The following DGKQ variants were observed in gnomAD, a reference collection of about 807,000 sequenced individuals.
DGKQ encodes the protein DAG kinase theta.
Under a neutral mutation model 104.2 loss-of-function variants are expected in DGKQ, and 97 were observed. The ratio of observed to expected loss-of-function variants is 0.93; its 90% CI spans 0.79 to 1.10. The LOEUF is 1.10. Among genes scored for constraint, DGKQ ranks in the 50% least tolerant of loss-of-function variants. DGKQ has a pLI of 0.00. For synonymous variants in DGKQ, 736 were observed against 595.2 expected (o/e 1.24, Z -3.44); for missense variants, 1,465 against 1,352.1 (o/e 1.08, Z -1.31).
At position 959,727 on chromosome 4, in the gene DGKQ, T is replaced by TA. The variant is rs1711735016; in HGVS notation, c.*892_*893insT. The TA allele has an allele frequency of 6.6e-6, 1 of 152,192 alleles. No individual in the cohort carries two copies. Among genetic ancestry groups the TA allele is most frequent in the Admixed American group, 6.5e-5 (1 of 15,284 alleles). 9.4% of individuals were successfully genotyped at this position (152,192 alleles called of 1,614,324 possible). On this transcript the variant is annotated 3_prime_UTR_variant, in exon 23 of 23. Transcript: ENST00000273814. The stretch of plus-strand genomic sequence containing the variant: ...AAAGCCAGCTCCTCCTCCACGTGCA[T>TA]GGGCTGTTTACACCTCCCAAACTCC...
intron 22 of DGKQ, 37 bp from the exon 23 acceptor site, chr4:960,758 T>C (rs751725859): frequency 2.5e-6 from 4 of 1,604,582 alleles, no homozygotes; most frequent in South Asian, 1.1e-5. Context: ...CAGGGTGACA[T>C]GGCCGATGAA....
At position 973,462 on chromosome 4, in the gene DGKQ, G is replaced by C. The variant is rs1337494011; in HGVS notation, c.21C>G (p.Pro7=). 1.1e-4 allele frequency: 107 copies of C among 986,554 alleles called. No individual in the cohort carries two copies. The highest frequency in any genetic ancestry group is 5.2e-4 in the Middle Eastern group (1 of 1,936). 61.1% of individuals were successfully genotyped at this position (986,554 alleles called of 1,614,324 possible). The change falls in exon 1 of 23, where the codon CCC becomes CCG. Residue 7 remains proline (P), a synonymous_variant. Transcript: ENST00000273814. ...CGCCGCCCAGCCAGGCGCGGGCCCC[G>C]GGCTCGGCCGCCGCCGCCATTCCCG... The part of the protein sequence containing the change: MAAAAE[P]GARAWLGGGS...
intron 22 of DGKQ, 35 bp from the exon 23 acceptor site, chr4:960,756 C>CA (rs756332292): frequency 3.0e-5 from 48 of 1,605,254 alleles, no homozygotes; most frequent in Non-Finnish European, 4.1e-5. Context: ...ACCAGGGTGA[C>CA]ATGGCCGATG....
In DGKQ at chr4:960,497, G is replaced by T. The variant is rs1711793573; in HGVS notation, c.*123C>A. The T allele has an allele frequency of 2.4e-6, 2 of 844,758 alleles. No individual in the cohort carries two copies. The highest frequency in any genetic ancestry group is 3.8e-6 in the Non-Finnish European group (2 of 520,158). 52.3% of individuals were successfully genotyped at this position (844,758 alleles called of 1,614,324 possible). A position where few individuals can be genotyped will look rare whatever the true frequency, so the allele number is the denominator to read the frequency against. On this transcript the variant is annotated 3_prime_UTR_variant, in exon 23 of 23. Transcript: ENST00000273814. The stretch of plus-strand genomic sequence containing the variant: ...TCACTGGGAAGATGCTGTGGTCAGG[G>T]CTGTAGCCAGGTCCGACCACAGGGC...
intron 15 of DGKQ, 41 bp downstream of exon 15, chr4:965,135 C>A (rs1319889955): frequency 6.4e-7 from 1 of 1,571,432 alleles, no homozygotes; most frequent in Admixed American, 1.7e-5. Context: ...CTCTGGCCAC[C>A]CCCTGGGGTG....
rs1478860329 is a variant in DGKQ, at chr4:971,046, A to T, written c.298T>A (p.Cys100Ser). The change falls in exon 2 of 23, where the codon TGC (cysteine) becomes AGC (serine). Residue 100 changes from cysteine (C) to serine (S), a missense_variant. Physicochemically the swap from Cys to Ser is moderately radical, Grantham distance 112. Transcript: ENST00000273814. The surrounding 1 kb of genome is among the most constrained non-coding windows in gnomAD (Gnocchi z 4.0). ...CACGGGATCCTCACGTGCTTCAGGC[A>T]CTTCTCATGAGACATGAAATTGCAG... ...DVCNFMSHEK[C>S]LKHVRIPCTS... 6.4e-7 allele frequency: 1 copy of T among 1,557,628 alleles called. No homozygotes were observed. The highest frequency in any genetic ancestry group is 8.7e-7 in the Non-Finnish European group (1 of 1,150,244).
chr4:965,428 G>T, intron 14 of DGKQ, 63 bp downstream of exon 14: 1 of 1,575,778 alleles, frequency 6.3e-7, no homozygotes, highest in Non-Finnish European at 8.7e-7. Context: ...GGCCAGGGCT[G>T]TCCCACTTCA....
At chr4:963,795 A>G (rs1459948112) in intron 15 of DGKQ, among the ~76,000 whole-genome samples, 1 of 152,140 alleles carries the variant, frequency 6.6e-6, no homozygotes, top group East Asian at 1.9e-4. Context: ...CGACCACAGG[A>G]CAGAGTCCAT....
In DGKQ at chr4:960,368, C is replaced by T. The variant is rs1176625646; in HGVS notation, c.*252G>A. ...TCACCATCCAGAGCCCTGCGCCCAC[C>T]CGGGACACGGGGTAACACTGCCACC... On this transcript the variant is annotated 3_prime_UTR_variant, in exon 23 of 23. Coordinates refer to ENST00000273814, the MANE Select transcript of DGKQ (RefSeq NM_001347.4). 4 of 565,966 alleles carry T rather than the reference C, an allele frequency of 7.1e-6. No homozygotes were observed. The highest frequency in any genetic ancestry group is 9.5e-6 in the Non-Finnish European group (3 of 314,256). 35.1% of individuals were successfully genotyped at this position (565,966 alleles called of 1,614,324 possible). A position where few individuals can be genotyped will look rare whatever the true frequency, so the allele number is the denominator to read the frequency against.
At position 971,008 on chromosome 4, in the gene DGKQ, T is replaced by A. The variant is rs776308864; in HGVS notation, c.336A>T (p.Ala112=). 2 of 1,552,492 alleles carry A rather than the reference T, an allele frequency of 1.3e-6. No individual in the cohort carries two copies. Among genetic ancestry groups the A allele is most frequent in the South Asian group, 2.4e-5 (2 of 84,156 alleles). ...KHVRIPCTSV[A]PSLVRVPVAH... ...CCACACTCACCCGGACCAGGCTGGG[T>A]GCCACACTCGTGCACGGGATCCTCA... Residue 112 remains alanine (A), a synonymous_variant, in exon 2 of 23, where the codon GCA becomes GCT. Transcript: ENST00000273814. The surrounding 1 kb of genome is among the most constrained non-coding windows in gnomAD (Gnocchi z 4.0).
chr4:962,313 C>T, intron 18 of DGKQ, 122 bp downstream of exon 18: 1 of 1,078,940 alleles, frequency 9.3e-7, no homozygotes, highest in Non-Finnish European at 1.3e-6. Flanking sequence ...GCCCGCTTTG[C>T]AGAGGGGATG....
intron 3 of DGKQ, 69 bp downstream of exon 3, chr4:968,742 G>C (rs1003902419): frequency 6.9e-7 from 1 of 1,459,166 alleles, no homozygotes; most frequent in African/African-American, 1.4e-5. Flanking sequence ...GCACAGCAGG[G>C]GTGGGCTGGG....
chr4:972,489 G>A (rs1577492609), intron 1 of DGKQ, among the ~76,000 whole-genome samples: 1 of 152,188 alleles, frequency 6.6e-6, no homozygotes, highest in Admixed American at 6.5e-5. Flanking sequence ...CCACCTCAGC[G>A]TCCCTGGCCA....
rs777477853 is a variant in DGKQ at position 962,608 on chromosome 4, C to G, written c.2041G>C (p.Asp681His). Reference sequence around the variant, plus strand: ...CCCCAGCGGAGGACTCGACCAAGGTCATTCCCTGGGACACAAGCAGACACA... The same window carrying G: ...CCCCAGCGGAGGACTCGACCAAGGTGATTCCCTGGGACACAAGCAGACACA... ...VAILPLGTGN[D>H]LGRVLRWGAG... Residue 681 changes from aspartate (D) to histidine (H), a missense_variant, in exon 18 of 23, where the codon GAC (aspartate) becomes CAC (histidine). Physicochemically the swap from Asp to His is moderately conservative, Grantham distance 81. Coordinates refer to ENST00000273814, the MANE Select transcript of DGKQ (RefSeq NM_001347.4). 1.2e-6 allele frequency: 2 copies of G among 1,607,584 alleles called. No individual in the cohort carries two copies. The highest frequency in any genetic ancestry group is 1.7e-6 in the Non-Finnish European group (2 of 1,179,636).
rs1051492773 is a variant in DGKQ, at chr4:968,035, G to A, written c.664-8C>T. The A allele has an allele frequency of 4.9e-6, 7 of 1,423,936 alleles. No individual in the cohort carries two copies. Among genetic ancestry groups the A allele is most frequent in the South Asian group, 3.0e-5 (2 of 66,128 alleles). The allele number at this position is 1,423,936 out of a possible 1,614,324, so 88.2% of individuals were successfully genotyped here. On this transcript the variant is annotated splice_region_variant and splice_polypyrimidine_tract_variant and intron_variant, in intron 5 of 22. Transcript: ENST00000273814. ...GGAGCAGAGGGAGTGCGCCTGGGGG[G>A]AGAAGGGCCTGAGCTGGGGGGTTGG...
chr4:966,948 G>A lies in DGKQ; in HGVS notation c.1311+16C>T. On this transcript the variant is annotated intron_variant, in intron 10 of 22. Transcript: ENST00000273814. ...CCGAGTCTGGCCGGCATGGGGAGCA[G>A]GCACAGGGTACGCACCTGGCGGCCG... 2 of 1,556,720 alleles carry A rather than the reference G, an allele frequency of 1.3e-6. No homozygotes were observed. The highest frequency in any genetic ancestry group is 1.7e-4 in the Middle Eastern group (1 of 5,740).
rs777952331 is a variant in DGKQ at position 962,490 on chromosome 4, T to C, written c.2159A>G (p.Asp720Gly). ...CTCTGCACTGCCAGCCTCGTGGGCA[T>C]CCAGCAGGATGGTCCAGCGGTCCAT... Reference protein sequence around the residue: ...VLMDRWTILLDAHEAGSAEND... With the variant: ...VLMDRWTILLGAHEAGSAEND... Residue 720 changes from aspartate (D) to glycine (G), a missense_variant, in exon 18 of 23, where the codon GAT becomes GGT. Asp to Gly is a moderately conservative substitution (Grantham distance 94, BLOSUM62 -1). Coordinates refer to ENST00000273814, the MANE Select transcript of DGKQ (RefSeq NM_001347.4). The C allele has an allele frequency of 5.0e-6, 8 of 1,608,444 alleles. No homozygotes were observed. In the Admixed American group the frequency reaches 5.0e-5, roughly 10 times the overall value.
At position 962,560 on chromosome 4, in the gene DGKQ, G is replaced by T; in HGVS notation, c.2089C>A (p.Pro697Thr). Residue 697 changes from proline to threonine, a missense_variant, in exon 18 of 23, where the codon CCG becomes ACG. Physicochemically the swap from Pro to Thr is conservative, Grantham distance 38 (BLOSUM62 -1). Coordinates refer to ENST00000273814, the MANE Select transcript of DGKQ (RefSeq NM_001347.4). ...TCCACAGACAGCAGTACGGAGAACG[G>T]GTCCTCGCCGCTGTAGCCCGCCCCC... The part of the protein sequence containing the change: ...RWGAGYSGED[P>T]FSVLLSVDEA... 1.2e-6 allele frequency: 2 copies of T among 1,610,066 alleles called. No individual in the cohort carries two copies. Among genetic ancestry groups the T allele is most frequent in the Non-Finnish European group, 1.7e-6 (2 of 1,179,916 alleles).
chr4:960,380 G>A lies in DGKQ; in HGVS notation c.*240C>T. 1.7e-6 allele frequency: 1 copy of A among 577,260 alleles called. No individual in the cohort carries two copies. The highest frequency in any genetic ancestry group is 2.1e-5 in the South Asian group (1 of 48,256). The allele number at this position is 577,260 out of a possible 1,614,324, so 35.8% of individuals were successfully genotyped here. A position where few individuals can be genotyped will look rare whatever the true frequency, so the allele number is the denominator to read the frequency against. ...GCCCTGCGCCCACCCGGGACACGGG[G>A]TAACACTGCCACCCGCACACCAGTC... On this transcript the variant is annotated 3_prime_UTR_variant, in exon 23 of 23. Transcript: ENST00000273814.
Sources: allele counts gnomAD v4.1 joint callset (sites outside exome capture counted in the v4.1 genomes callset), GRCh38; gene constraint gnomAD v4.1.1; non-coding constraint Gnocchi (gnomAD v3.1); transcripts MANE v1.5; gene names NCBI Gene and HGNC (gene_info 2026-07-23, HGNC 2026-07-21).